The following WWOX variants were observed in gnomAD, a reference collection of about 807,000 sequenced individuals.
The protein encoded by WWOX is WW domain-containing oxidoreductase.
Under a neutral mutation model 46.2 loss-of-function variants are expected in WWOX, and 69 were observed. That is an observed-to-expected ratio of 1.49 (90% CI 1.23 to 1.82). WWOX has a LOEUF of 1.82. Ranked by LOEUF, WWOX falls within the 40% of genes most tolerant of loss-of-function variation. The pLI is 0.00. For synonymous variants in WWOX, 359 were observed against 202.6 expected, an observed-to-expected ratio of 1.77 and a Z score of -6.56; for missense variants, 919 against 542.6, an observed-to-expected ratio of 1.69 and a Z score of -6.89.
At chr16:78,221,515 A>G (rs1597368838) in intron 5 of WWOX, among the ~76,000 whole-genome samples, 2 of 152,184 alleles carry the variant, frequency 1.3e-5, no homozygotes, top group South Asian at 4.1e-4. Flanking sequence ...TCCTTTTATA[A>G]GAAAGGTCTT....
chr16:78,421,501 T>C (rs538995447), intron 6 of WWOX, among the ~76,000 whole-genome samples: 1 of 152,324 alleles, frequency 6.6e-6, no homozygotes, highest in Admixed American at 6.5e-5. Flanking sequence ...TGGGACTTAA[T>C]CACATTTGCG....
intron 8 of WWOX, among the ~76,000 whole-genome samples, chr16:78,824,774 T>G (rs1399233955): frequency 1.3e-5 from 2 of 152,072 alleles, no homozygotes. Flanking sequence ...CCTGGGTCCC[T>G]CCCACAACAT....
chr16:78,362,949 A>C (rs554389084), intron 5 of WWOX, among the ~76,000 whole-genome samples: 3 of 152,218 alleles, frequency 2.0e-5, no homozygotes, highest in Non-Finnish European at 2.9e-5. Flanking sequence ...GACAGTGTCC[A>C]GAGGAAGGCC....
chr16:78,496,160 C>G (rs992057992), intron 8 of WWOX: 4 of 152,196 alleles, frequency 2.6e-5, no homozygotes, highest in Non-Finnish European at 4.4e-5. Context: ...TCAGATTCCC[C>G]TAAATCTTCA....
At chr16:78,951,159 C>A (rs1444443249) in intron 8 of WWOX, among the ~76,000 whole-genome samples, 1 of 152,206 alleles carries the variant, frequency 6.6e-6, no homozygotes, top group East Asian at 1.9e-4. Flanking sequence ...ACTGGGAAGC[C>A]TAAGGGTGGA....
chr16:78,910,008 G>A (rs1424083760), intron 8 of WWOX, among the ~76,000 whole-genome samples: 2 of 152,182 alleles, frequency 1.3e-5, no homozygotes, highest in Non-Finnish European at 2.9e-5. Flanking sequence ...TCAAATTTTT[G>A]CAAAGTATAA....
intron 8 of WWOX, among the ~76,000 whole-genome samples, chr16:79,178,759 C>T (rs527492381): frequency 6.5e-4 from 99 of 152,234 alleles, no homozygotes; most frequent in African/African-American, 2.2e-3. Flanking sequence ...TTACCAAAAA[C>T]GTTTGGTCGA....
At chr16:78,639,538 C>G (rs1454965800) in intron 8 of WWOX, among the ~76,000 whole-genome samples, 1 of 151,494 alleles carries the variant, frequency 6.6e-6, no homozygotes, top group East Asian at 1.9e-4. Flanking sequence ...GAGAGAGAGG[C>G]CTCCCCTCAG....
At chr16:78,387,137 T>C (rs370326274) in intron 6 of WWOX, among the ~76,000 whole-genome samples, 189 bp downstream of exon 6, 7 of 152,202 alleles carry the variant, frequency 4.6e-5, no homozygotes, top group South Asian at 2.1e-4. Context: ...TTATGAGATG[T>C]GTCATCAATC....
intron 1 of WWOX, among the ~76,000 whole-genome samples, chr16:78,100,796 T>C (rs2031725530): frequency 6.6e-6 from 1 of 152,198 alleles, no homozygotes. Flanking sequence ...TTGATTGCTC[T>C]TAAGATACGA....
intron 8 of WWOX, among the ~76,000 whole-genome samples, chr16:78,455,177 G>A (rs575974002): frequency 2.0e-5 from 3 of 152,262 alleles, no homozygotes; most frequent in East Asian, 3.9e-4. Context: ...CAGAGATGAC[G>A]TCTTTACTGA....
intron 5 of WWOX, among the ~76,000 whole-genome samples, chr16:78,208,894 C>T (rs978408423): frequency 6.6e-6 from 1 of 152,022 alleles, no homozygotes; most frequent in South Asian, 2.1e-4. Flanking sequence ...AATTGTCTTA[C>T]AGCTTTTTAT....
intron 8 of WWOX, among the ~76,000 whole-genome samples, chr16:78,923,678 G>T (rs4888880): frequency 0.3 from 46,203 of 151,600 alleles, 8,400 homozygotes; most frequent in Admixed American, 0.45. Flanking sequence ...AAAATTAGTC[G>T]TGTGAACTTT....
At chr16:78,452,929 A>G (rs1386769013) in intron 8 of WWOX, among the ~76,000 whole-genome samples, 3 of 145,698 alleles carry the variant, frequency 2.1e-5, no homozygotes, top group South Asian at 2.1e-4. Flanking sequence ...CTAAAGTACC[A>G]TGTCAAGATT....
rs2051636327 is a variant in WWOX at position 78,825,780 on chromosome 16, A to T, written c.1057-385828A>T. Reference sequence around the variant, plus strand: ...GGAGACCATGTTAACTAGTACATTGATGCTGTTGTGTGCCATGTGCTGCTC... The same window carrying T: ...GGAGACCATGTTAACTAGTACATTGTTGCTGTTGTGTGCCATGTGCTGCTC... On this transcript the variant is annotated intron_variant, in intron 8 of 8. Transcript: ENST00000566780. 5.0e-6 allele frequency: 3 copies of T among 595,924 alleles called. No homozygotes were observed. In the South Asian group the frequency reaches 5.6e-5, roughly 11 times the overall value. 36.9% of individuals were successfully genotyped at this position (595,924 alleles called of 1,614,324 possible).
chr16:78,570,489 T>A (rs2044688444), intron 8 of WWOX, among the ~76,000 whole-genome samples: 1 of 152,126 alleles, frequency 6.6e-6, no homozygotes, highest in Non-Finnish European at 1.5e-5. Flanking sequence ...TTTTTAATTT[T>A]TCTTTTATAG....
intron 8 of WWOX, among the ~76,000 whole-genome samples, chr16:79,135,331 C>T (rs531691576): frequency 1.2e-3 from 190 of 152,146 alleles, no homozygotes; most frequent in Middle Eastern, 3.4e-3. Context: ...TTCCTTTTCC[C>T]ATAATTTTAT....
intron 5 of WWOX, among the ~76,000 whole-genome samples, chr16:78,213,296 T>G (rs1247871040): frequency 6.7e-6 from 1 of 148,232 alleles, no homozygotes; most frequent in Non-Finnish European, 1.5e-5. Context: ...CAGGCTGACC[T>G]CAGCACCATC....
intron 5 of WWOX, among the ~76,000 whole-genome samples, chr16:78,261,735 C>T (rs1211636324): frequency 2.9e-5 from 4 of 135,634 alleles, no homozygotes; most frequent in Admixed American, 2.2e-4. Context: ...GCCCATTTGC[C>T]ATGTGTGTGT....
Sources: allele counts gnomAD v4.1 joint callset (sites outside exome capture counted in the v4.1 genomes callset), GRCh38; gene constraint gnomAD v4.1.1; transcripts MANE v1.5; gene names NCBI Gene and HGNC (gene_info 2026-07-23, HGNC 2026-07-21).